The following YTHDC2 variants were observed in gnomAD, a reference collection of about 807,000 sequenced individuals.
YTHDC2 encodes 3'-5' RNA helicase YTHDC2.
In YTHDC2, 45 loss-of-function variants were observed where a neutral mutation model predicts 174.9. That is an observed-to-expected ratio of 0.26 (90% CI 0.20 to 0.33). The LOEUF (loss-of-function observed/expected upper bound fraction) is 0.33. YTHDC2 is among the 10% of genes least tolerant of loss of function. The pLI is 1.00. For missense variants in YTHDC2, 1,650 were observed against 1,723.7 expected, an observed-to-expected ratio of 0.96 and a Z score of 0.76; for synonymous variants, 657 against 574.5, an observed-to-expected ratio of 1.14 and a Z score of -2.05.
chr5:113,574,900 G>T (rs530775257), intron 23 of YTHDC2, among the ~76,000 whole-genome samples: 6 of 152,308 alleles, frequency 3.9e-5, no homozygotes, highest in African/African-American at 1.4e-4. Context: ...TGATTCACAG[G>T]TTGCAAAGAT....
In YTHDC2 at chr5:113,594,795, C is replaced by G. The variant is rs1395570479; in HGVS notation, c.*1321C>G. The G allele has an allele frequency of 6.6e-6, 1 of 152,022 alleles. No individual in the cohort carries two copies. Among genetic ancestry groups the G allele is most frequent in the East Asian group, 1.9e-4 (1 of 5,194 alleles). The allele number at this position is 152,022 out of a possible 1,614,324, so 9.4% of individuals were successfully genotyped here. ...GTGTAAATTAAAGACAAAAAGAAAACTCTGGTTTTATATTTGAGAACACGT... is the reference window on the plus strand; with the variant it reads ...GTGTAAATTAAAGACAAAAAGAAAAGTCTGGTTTTATATTTGAGAACACGT... On this transcript the variant is annotated 3_prime_UTR_variant, in exon 30 of 30. Transcript: ENST00000161863.
intron 23 of YTHDC2, among the ~76,000 whole-genome samples, chr5:113,570,447 A>G (rs140317301): frequency 6.6e-6 from 1 of 152,102 alleles, no homozygotes; most frequent in Admixed American, 6.6e-5. Context: ...ATGTGAATTC[A>G]TTCATGATTT....
chr5:113,556,556 A>T (rs1776624753), intron 17 of YTHDC2, among the ~76,000 whole-genome samples: 1 of 152,202 alleles, frequency 6.6e-6, no homozygotes, highest in African/African-American at 2.4e-5. Context: ...AACCTCACAT[A>T]TACTACCTAA....
chr5:113,565,497 A>AT (rs1349289573), intron 20 of YTHDC2, among the ~76,000 whole-genome samples: 9 of 152,224 alleles, frequency 5.9e-5, no homozygotes, highest in African/African-American at 1.7e-4. Context: ...ATTCTTAGGT[A>AT]GAGTCCAGGG....
intron 23 of YTHDC2, among the ~76,000 whole-genome samples, chr5:113,572,863 A>T (rs968359238): frequency 2.0e-5 from 3 of 152,036 alleles, no homozygotes; most frequent in African/African-American, 7.2e-5. Context: ...TGCATGTGAG[A>T]TGGGTCTTTT....
At chr5:113,516,601 T>C (rs375144596) in intron 2 of YTHDC2, among the ~76,000 whole-genome samples, 12 of 152,272 alleles carry the variant, frequency 7.9e-5, no homozygotes, top group African/African-American at 2.6e-4. Context: ...CTAACACTCC[T>C]AACCCCAGTT....
chr5:113,520,498 C>CT (rs565814224), intron 2 of YTHDC2, among the ~76,000 whole-genome samples: 3,374 of 143,152 alleles, frequency 0.024, 123 homozygotes, highest in African/African-American at 0.076. Context: ...AAAAGAATCT[C>CT]TTTTTTTTTT....
In YTHDC2 at chr5:113,591,214, A is replaced by G; in HGVS notation, c.3999A>G (p.Val1333=). 1 of 1,613,860 alleles carries G rather than the reference A, an allele frequency of 6.2e-7. No individual in the cohort carries two copies. The change falls in exon 27 of 30, where the codon GTA becomes GTG. Residue 1333 remains valine, a synonymous_variant. Coordinates refer to ENST00000161863, the MANE Select transcript of YTHDC2 (RefSeq NM_022828.5). ...GGGAAAGCAGCATAGTTTACTTGGT[A>G]TTTTCTGTTCAAGGATCTGGACATT... ...AFWESSIVYL[V]FSVQGSGHFQ...
chr5:113,575,109 G>C (rs1777961062), intron 23 of YTHDC2, among the ~76,000 whole-genome samples: 1 of 152,188 alleles, frequency 6.6e-6, no homozygotes, highest in Non-Finnish European at 1.5e-5. Flanking sequence ...TTCAGTTGAA[G>C]ATGCTGAATT....
intron 28 of YTHDC2, chr5:113,593,029 A>G (rs1480607225): frequency 8.3e-6 from 2 of 242,324 alleles, no homozygotes; most frequent in Non-Finnish European, 1.6e-5. Context: ...ATTTTTAGGT[A>G]GAAACAGTTC....
rs571419104 is a variant in YTHDC2, at chr5:113,548,450, C to T, written c.1496-91C>T. 6.1e-5 allele frequency: 78 copies of T among 1,283,640 alleles called. No homozygotes were observed. The South Asian group carries it at 1.2e-3, about 19-fold the overall frequency. 79.5% of individuals were successfully genotyped at this position (1,283,640 alleles called of 1,614,324 possible). On this transcript the variant is annotated intron_variant, in intron 10 of 29. Coordinates refer to ENST00000161863, the MANE Select transcript of YTHDC2 (RefSeq NM_022828.5). The stretch of plus-strand genomic sequence containing the variant: ...AACTCTCAGGCTAATTATCCTGAAA[C>T]TCAGTTCTGCTATTTCAGATTTTTT...
intron 26 of YTHDC2, among the ~76,000 whole-genome samples, chr5:113,590,411 A>G (rs932484532): frequency 6.6e-6 from 1 of 152,222 alleles, no homozygotes; most frequent in Non-Finnish European, 1.5e-5. Flanking sequence ...AAATATTCCC[A>G]GCCATGAGTG....
At chr5:113,545,142 G>T (rs922711732) in intron 10 of YTHDC2, among the ~76,000 whole-genome samples, 4 of 152,002 alleles carry the variant, frequency 2.6e-5, no homozygotes, top group African/African-American at 9.7e-5. Flanking sequence ...AGCTTTCTCT[G>T]TTTGTCAATT....
chr5:113,568,748 C>T (rs1448008397), intron 23 of YTHDC2, among the ~76,000 whole-genome samples: 1 of 152,086 alleles, frequency 6.6e-6, no homozygotes, highest in Non-Finnish European at 1.5e-5. Flanking sequence ...TGTATATGTA[C>T]CATATTTTCT....
At chr5:113,531,159 T>C (rs1017688958) in intron 4 of YTHDC2, among the ~76,000 whole-genome samples, 4 of 152,130 alleles carry the variant, frequency 2.6e-5, no homozygotes, top group African/African-American at 9.7e-5. Context: ...ACACTTATCT[T>C]CTCTTTTAAA....
At chr5:113,527,873 C>T (rs1230511708) in intron 4 of YTHDC2, among the ~76,000 whole-genome samples, 1 of 152,140 alleles carries the variant, frequency 6.6e-6, no homozygotes, top group Non-Finnish European at 1.5e-5. Context: ...ACTGCAACCT[C>T]AGTGCCTCCC....
At chr5:113,584,930 A>G (rs895103429) in intron 26 of YTHDC2, among the ~76,000 whole-genome samples, 3 of 151,800 alleles carry the variant, frequency 2.0e-5, no homozygotes, top group South Asian at 2.1e-4. Flanking sequence ...GCATGCCACC[A>G]TGCCCAGCTG....
At chr5:113,536,424 C>T (rs1267993790) in intron 7 of YTHDC2, among the ~76,000 whole-genome samples, 1 of 152,130 alleles carries the variant, frequency 6.6e-6, no homozygotes, top group Non-Finnish European at 1.5e-5. Context: ...ACTCGGGAGG[C>T]TAAGGCAGGA....
chr5:113,527,501 A>G (rs973699549), intron 4 of YTHDC2, among the ~76,000 whole-genome samples: 2 of 152,308 alleles, frequency 1.3e-5, no homozygotes, highest in African/African-American at 4.8e-5. Flanking sequence ...AGATAAAATA[A>G]TAAATAGAAT....
Sources: allele counts gnomAD v4.1 joint callset (sites outside exome capture counted in the v4.1 genomes callset), GRCh38; gene constraint gnomAD v4.1.1; transcripts MANE v1.5; gene names NCBI Gene and HGNC (gene_info 2026-07-23, HGNC 2026-07-21).